Variants in TTK observed in about 807,000 individuals in gnomAD.
TTK encodes the protein dual specificity protein kinase TTK.
A neutral mutation model predicts 117.3 loss-of-function variants in TTK; 59 were observed. That is an observed-to-expected ratio of 0.50 (90% CI 0.41 to 0.62). TTK has a LOEUF of 0.62. TTK is among the 20% of genes least tolerant of loss of function. The pLI is 0.00. For missense variants in TTK, 921 were observed against 989.4 expected, an observed-to-expected ratio of 0.93 and a Z score of 0.93; for synonymous variants, 302 against 325.0, an observed-to-expected ratio of 0.93 and a Z score of 0.76.
intron 18 of TTK, 110 bp downstream of exon 18, chr6:80,038,157 G>A: frequency 1.6e-6 from 1 of 632,234 alleles, no homozygotes; most frequent in Non-Finnish European, 2.4e-6. Flanking sequence ...AACTTTTTAG[G>A]CCATTACAGA....
rs1446660219 is a variant in TTK, at chr6:80,014,540, A to T, written c.1062A>T (p.Ile354=). 6.2e-7 allele frequency: 1 copy of T among 1,607,546 alleles called. No individual in the cohort carries two copies. The highest frequency in any genetic ancestry group is 2.2e-5 in the East Asian group (1 of 44,630). The part of the protein sequence containing the change: ...KSSELIITDS[I]TLKNKTESSL... ...CTGAACTTATTATTACTGATTCAAT[A>T]ACCCTGAAGAATAAAACGGAATCAA... The change falls in exon 10 of 22, where the codon ATA becomes ATT. Residue 354 remains isoleucine (I), a synonymous_variant. Transcript: ENST00000369798.
In TTK at chr6:80,035,431, T is replaced by A. The variant is rs185544506; in HGVS notation, c.1924+14T>A. ...TCCATCAACATGGTATTTAACAGTT[T>A]TTTTATATTTGTAAGGTTAAAATCT... is the stretch of plus-strand genomic sequence containing the variant. On this transcript the variant is annotated intron_variant, in intron 16 of 21. Transcript: ENST00000369798. The A allele has an allele frequency of 1.0e-5, 16 of 1,584,286 alleles. No homozygotes were observed. In the Admixed American group the frequency reaches 2.7e-4, roughly 26 times the overall value.
intron 14 of TTK, among the ~76,000 whole-genome samples, chr6:80,033,455 G>T (rs1285968690): frequency 6.6e-6 from 1 of 152,050 alleles, no homozygotes; most frequent in East Asian, 1.9e-4. Flanking sequence ...TTGGTTTGTT[G>T]TTTGTGTCCC....
At position 80,028,428 on chromosome 6, in the gene TTK, G is replaced by A. The variant is rs562888815; in HGVS notation, c.1521+417G>A. On this transcript the variant is annotated intron_variant, in intron 13 of 21. Transcript: ENST00000369798. ...TGCTTCCCAGGTTCAAGCGATTCTCGTGCCTTAGCCTCCCGAGTAGCTGAG... is the reference window on the plus strand; with the variant it reads ...TGCTTCCCAGGTTCAAGCGATTCTCATGCCTTAGCCTCCCGAGTAGCTGAG... Among the ~76,000 whole-genome samples, 316 of 151,580 alleles carry A rather than the reference G, an allele frequency of 2.1e-3. 1 individual carries two copies. The highest frequency in any genetic ancestry group is 2.9e-3 in the East Asian group (15 of 5,134).
chr6:80,039,762 C>T lies in TTK; in HGVS notation c.2197C>T (p.Pro733Ser). 6.3e-7 allele frequency: 1 copy of T among 1,590,316 alleles called. No homozygotes were observed. The highest frequency in any genetic ancestry group is 8.6e-7 in the Non-Finnish European group (1 of 1,169,328). Residue 733 changes from proline to serine, a missense_variant, in exon 19 of 22, where the codon CCA becomes TCA. Physicochemically the swap from Pro to Ser is moderately conservative, Grantham distance 74. Transcript: ENST00000369798. The part of the protein sequence containing the change: ...ILYYMTYGKT[P>S]FQQIINQISK... ...GTACTATATGACTTACGGGAAAACA[C>T]CATTTCAGCAGATAATTAATCAGAT...
intron 11 of TTK, among the ~76,000 whole-genome samples, chr6:80,024,224 G>C (rs1767544831): frequency 6.6e-6 from 1 of 152,156 alleles, no homozygotes. Flanking sequence ...GTTAAACGTA[G>C]CTTTATATGA....
At chr6:80,010,159 A>T (rs974030456) in intron 4 of TTK, among the ~76,000 whole-genome samples, 1 of 152,016 alleles carries the variant, frequency 6.6e-6, no homozygotes, top group Non-Finnish European at 1.5e-5. Context: ...TAATATTTAT[A>T]TGTCAAATGC....
At chr6:80,010,252 C>G (rs1195237283) in intron 4 of TTK, among the ~76,000 whole-genome samples, 2 of 151,884 alleles carry the variant, frequency 1.3e-5, no homozygotes, top group Non-Finnish European at 2.9e-5. Context: ...ATTCTGCATT[C>G]TTTTTCAGGC....
intron 11 of TTK, among the ~76,000 whole-genome samples, chr6:80,025,362 G>GAT (rs1364629692): frequency 6.6e-6 from 1 of 152,162 alleles, no homozygotes; most frequent in East Asian, 1.9e-4. Context: ...TAGAAAGTAG[G>GAT]ATAGATTTAG....
chr6:80,011,434 C>G lies in TTK; in HGVS notation c.614C>G (p.Ala205Gly), dbSNP rs759463818. Residue 205 changes from alanine (A) to glycine (G), a missense_variant and splice_region_variant, in exon 6 of 22, where the codon GCA (alanine) becomes GGA (glycine). Transcript: ENST00000369798. The stretch of plus-strand genomic sequence containing the variant: ...AATCATAGTTTCAAAATTTTTACAG[C>G]ATCTACGGTATTAACTGCCCAAGAA... Reference protein sequence around the residue: ...LSEEEKKNLSASTVLTAQESF... With the variant: ...LSEEEKKNLSGSTVLTAQESF... 9 of 1,565,638 alleles carry G rather than the reference C, an allele frequency of 5.7e-6. No individual in the cohort carries two copies. The highest frequency in any genetic ancestry group is 7.7e-6 in the Non-Finnish European group (9 of 1,163,630).
At chr6:80,029,427 A>G (rs1201378776) in intron 13 of TTK, among the ~76,000 whole-genome samples, 1 of 152,274 alleles carries the variant, frequency 6.6e-6, no homozygotes, top group African/African-American at 2.4e-5. Context: ...TTGAAACAAT[A>G]TAATAAATTA....
intron 9 of TTK, 46 bp from the exon 10 acceptor site, chr6:80,014,417 A>G (rs1767248725): frequency 1.3e-6 from 2 of 1,532,618 alleles, no homozygotes; most frequent in Non-Finnish European, 1.8e-6. Context: ...ACAGATTAGT[A>G]GTACTACTAT....
Position 80,031,523 on chromosome 6 carries a change from C to A in TTK, c.1578C>A (p.Ser526=). The A allele has an allele frequency of 1.3e-6, 2 of 1,529,854 alleles. No homozygotes were observed. The highest frequency in any genetic ancestry group is 1.4e-5 in the South Asian group (1 of 72,824). 94.8% of individuals were successfully genotyped at this position (1,529,854 alleles called of 1,614,324 possible). A position where few individuals can be genotyped will look rare whatever the true frequency, so the allele number is the denominator to read the frequency against. ...TTTCGGTTAAAGGAAGAATTTATTCCATATTAAAGCAGATAGGAAGTGGAG... is the reference window on the plus strand; with the variant it reads ...TTTCGGTTAAAGGAAGAATTTATTCAATATTAAAGCAGATAGGAAGTGGAG... ...ECISVKGRIY[S]ILKQIGSGGS... is the part of the protein sequence containing the mutation. The change falls in exon 14 of 22, where the codon TCC becomes TCA. Residue 526 remains serine, a synonymous_variant. Coordinates refer to ENST00000369798, the MANE Select transcript of TTK (RefSeq NM_003318.5).
At chr6:80,040,775 A>G in intron 21 of TTK, 72 bp downstream of exon 21, 1 of 1,446,858 alleles carries the variant, frequency 6.9e-7, no homozygotes, top group Non-Finnish European at 9.4e-7. Context: ...GGAAACAGGT[A>G]GTCTGAAGAA....
chr6:80,012,993 A>G (rs1767201083), intron 8 of TTK, among the ~76,000 whole-genome samples: 1 of 152,098 alleles, frequency 6.6e-6, no homozygotes, highest in Admixed American at 6.6e-5. Context: ...TTTCATCTGT[A>G]TACTTTGCCT....
At chr6:80,024,112 T>C (rs1167519496) in intron 11 of TTK, among the ~76,000 whole-genome samples, 2 of 152,150 alleles carry the variant, frequency 1.3e-5, no homozygotes, top group African/African-American at 4.8e-5. Flanking sequence ...CAATAACAAG[T>C]GTTGGCAAGG....
At chr6:80,033,145 A>G (rs903992514) in intron 14 of TTK, among the ~76,000 whole-genome samples, 4 of 152,196 alleles carry the variant, frequency 2.6e-5, no homozygotes, top group African/African-American at 7.2e-5. Context: ...GCCTTTGGTA[A>G]CCACCATTGT....
intron 21 of TTK, among the ~76,000 whole-genome samples, 178 bp downstream of exon 21, chr6:80,040,881 ATTC>A (rs1319890011): frequency 4.0e-5 from 6 of 151,854 alleles, no homozygotes; most frequent in South Asian, 2.1e-4. Context: ...CTTGATTTAT[ATTC>A]TTCTTCTGCA....
chr6:80,015,009 T>C (rs753304179), intron 10 of TTK, among the ~76,000 whole-genome samples: 1 of 152,106 alleles, frequency 6.6e-6, no homozygotes, highest in Non-Finnish European at 1.5e-5. Flanking sequence ...GTGTGGAAGA[T>C]ACACAGAGAT....
Sources: allele counts gnomAD v4.1 joint callset (sites outside exome capture counted in the v4.1 genomes callset), GRCh38; gene constraint gnomAD v4.1.1; transcripts MANE v1.5; gene names NCBI Gene and HGNC (gene_info 2026-07-23, HGNC 2026-07-21).